The following IGF2R variants were observed in gnomAD, a reference collection of about 807,000 sequenced individuals.
IGF2R encodes insulin like growth factor 2 receptor, also known as cation-independent mannose-6-phosphate receptor.
IGF2R carries 91 observed loss-of-function variants against 270.6 expected under a neutral mutation model. That is an observed-to-expected ratio of 0.34 (90% CI 0.28 to 0.40). The LOEUF is 0.40. Ranked by LOEUF, IGF2R falls within the 10% of genes least tolerant of loss-of-function variation. IGF2R has a pLI of 1.00. For missense variants in IGF2R, 2,805 were observed against 3,188.3 expected (o/e 0.88, Z 2.90); for synonymous variants, 1,316 against 1,258.9 (o/e 1.05, Z -0.96).
chr6:160,080,191 T>A lies in IGF2R; in HGVS notation c.5749T>A (p.Cys1917Ser), dbSNP rs1209179549. The A allele has an allele frequency of 6.2e-7, 1 of 1,613,966 alleles. No individual in the cohort carries two copies. The highest frequency in any genetic ancestry group is 8.5e-7 in the Non-Finnish European group (1 of 1,179,946). The change falls in exon 39 of 48, where the codon TGC becomes AGC. Residue 1917 changes from cysteine to serine, a missense_variant. Cys to Ser is a moderately radical substitution (Grantham distance 112). Transcript: ENST00000356956. ...FIFNGKSYEE[C>S]IIESRAKLWC... The stretch of plus-strand genomic sequence containing the variant: ...ATTCAATGGGAAGAGCTACGAGGAG[T>A]GCATCATAGAGAGCAGGGCGAAGCT...
In IGF2R at chr6:160,050,096, G is replaced by T. The variant is rs991012372; in HGVS notation, c.2515-377G>T. ...GTCTTCATAGTGGTTAGTGTCAGCC[G>T]TTCCACCGGAATTCAGGATCTGAAG... On this transcript the variant is annotated intron_variant, in intron 18 of 47. Coordinates refer to ENST00000356956, the MANE Select transcript of IGF2R (RefSeq NM_000876.4). The surrounding 1 kb of genome is among the most constrained non-coding windows in gnomAD (Gnocchi z 4.0). 6.6e-6 allele frequency among the ~76,000 whole-genome samples: 1 copy of T among 152,170 alleles called. No homozygotes were observed. Among genetic ancestry groups the T allele is most frequent in the Non-Finnish European group, 1.5e-5 (1 of 68,040 alleles).
rs1554234644 is a variant in IGF2R, at chr6:159,980,222, A to AG, written c.149+10828dup. On this transcript the variant is annotated intron_variant, in intron 1 of 47. Coordinates refer to ENST00000356956, the MANE Select transcript of IGF2R (RefSeq NM_000876.4). ...AAGAAAGAAAGAAAGAAAGAAAGAA[A>AG]GAAAGAAAGAAAGAAAGGTACATGG... 6.4e-5 allele frequency among the ~76,000 whole-genome samples: 6 copies of AG among 93,208 alleles called. 1 individual carries two copies. Among genetic ancestry groups the AG allele is most frequent in the African/African-American group, 1.9e-4 (5 of 26,720 alleles). The allele number at this position is 93,208 out of a possible 152,430, so 61.1% of individuals were successfully genotyped here.
intron 3 of IGF2R, among the ~76,000 whole-genome samples, 160 bp downstream of exon 3, chr6:160,009,294 A>G (rs1784296400): frequency 5.3e-5 from 8 of 152,262 alleles, no homozygotes; most frequent in Admixed American, 3.9e-4. Flanking sequence ...AGAACCAATA[A>G]GTAAACAAAT....
intron 11 of IGF2R, among the ~76,000 whole-genome samples, chr6:160,041,837 T>C (rs952267115): frequency 6.6e-6 from 1 of 152,094 alleles, no homozygotes; most frequent in African/African-American, 2.4e-5. Context: ...AGTGAAGACA[T>C]TGGTTTTCTG....
chr6:160,039,165 T>A (rs948443772), intron 10 of IGF2R, among the ~76,000 whole-genome samples: 1 of 152,222 alleles, frequency 6.6e-6, no homozygotes, highest in African/African-American at 2.4e-5. Context: ...ACCTAGATGG[T>A]ATAGCCTGCT....
At chr6:160,017,084 A>G (rs531682857) in intron 4 of IGF2R, among the ~76,000 whole-genome samples, 2 of 152,240 alleles carry the variant, frequency 1.3e-5, no homozygotes, top group African/African-American at 2.4e-5. Flanking sequence ...GCTTAATGAG[A>G]TACATGAGAA....
intron 4 of IGF2R, among the ~76,000 whole-genome samples, chr6:160,024,237 T>C (rs1300624189): frequency 7.0e-6 from 1 of 142,230 alleles, no homozygotes; most frequent in Non-Finnish European, 1.6e-5. Flanking sequence ...CATGAGATGA[T>C]AGCTAGGGGA....
intron 44 of IGF2R, among the ~76,000 whole-genome samples, chr6:160,091,694 G>A (rs1315249567): frequency 2.6e-5 from 4 of 152,236 alleles, no homozygotes; most frequent in Non-Finnish European, 5.9e-5. Context: ...CAGTCATTCA[G>A]AATCAGATGT....
intron 1 of IGF2R, among the ~76,000 whole-genome samples, chr6:159,987,292 A>C (rs1428858403): frequency 6.6e-6 from 1 of 152,250 alleles, no homozygotes; most frequent in African/African-American, 2.4e-5. Context: ...TGCATACCAG[A>C]GTACATAATA....
In IGF2R at chr6:160,105,080, T is replaced by C. The variant is rs1303250513; in HGVS notation, c.7472T>C (p.Ile2491Thr). 6.4e-7 allele frequency: 1 copy of C among 1,572,698 alleles called. No homozygotes were observed. The highest frequency in any genetic ancestry group is 8.6e-7 in the Non-Finnish European group (1 of 1,158,504). The change falls in exon 48 of 48, where the codon ATC becomes ACC. Residue 2491 changes from isoleucine to threonine, a missense_variant. Coordinates refer to ENST00000356956, the MANE Select transcript of IGF2R (RefSeq NM_000876.4). ...GACAGCGACGAGGACCTCTTACACA[T>C]CTGACTCCGCAGTGCCTGCAGGGGA... ...HDDSDEDLLH[I>T]
At chr6:160,051,639 G>A (rs996644393) in intron 19 of IGF2R, among the ~76,000 whole-genome samples, 1 of 152,136 alleles carries the variant, frequency 6.6e-6, no homozygotes, top group Non-Finnish European at 1.5e-5. Flanking sequence ...AGGGCTGTAT[G>A]TGTAATACAA....
At chr6:160,061,352 C>T (rs1778434508) in intron 23 of IGF2R, 151 bp from the exon 24 acceptor site, 2 of 748,980 alleles carry the variant, frequency 2.7e-6, no homozygotes, top group African/African-American at 1.8e-5. Flanking sequence ...GTTTTGTAGG[C>T]AAAGCCTCTC....
intron 11 of IGF2R, 98 bp from the exon 12 acceptor site, chr6:160,043,050 A>C (rs1355295079): frequency 7.4e-7 from 1 of 1,346,846 alleles, no homozygotes; most frequent in Non-Finnish European, 1.0e-6. Context: ...TGGTTTGGGA[A>C]CTTTGAGCCC....
At chr6:160,028,247 TC>T (rs1429648698) in intron 6 of IGF2R, among the ~76,000 whole-genome samples, 8 of 152,226 alleles carry the variant, frequency 5.3e-5, no homozygotes, top group Non-Finnish European at 1.2e-4. Context: ...CACGTGGCCT[TC>T]CCTCTGCGGG....
Position 160,050,658 on chromosome 6 carries a change from G to A in IGF2R, c.2694+6G>A. ...TCTGCTCCAGGGGCAGGCTGGTAAG[G>A]CACTGCTGCTGGCTGGTGACCTTCA... is the stretch of plus-strand genomic sequence containing the variant. On this transcript the variant is annotated splice_donor_region_variant and intron_variant, in intron 19 of 47. Coordinates refer to ENST00000356956, the MANE Select transcript of IGF2R (RefSeq NM_000876.4). This position sits in a 1 kb window ranked among gnomAD's most constrained non-coding sequence, Gnocchi z 4.0. 6.3e-7 allele frequency: 1 copy of A among 1,593,536 alleles called. No individual in the cohort carries two copies. Among genetic ancestry groups the A allele is most frequent in the South Asian group, 1.1e-5 (1 of 89,860 alleles).
chr6:160,079,784 C>G lies in IGF2R; in HGVS notation c.5683C>G (p.Pro1895Ala), dbSNP rs370980819. The G allele has an allele frequency of 2.0e-4, 288 of 1,444,848 alleles. No individual in the cohort carries two copies. Among genetic ancestry groups the G allele is most frequent in the Non-Finnish European group, 2.6e-4 (284 of 1,094,092 alleles). The allele number at this position is 1,444,848 out of a possible 1,614,324, so 89.5% of individuals were successfully genotyped here. A position where few individuals can be genotyped will look rare whatever the true frequency, so the allele number is the denominator to read the frequency against. The change falls in exon 38 of 48, where the codon CCA becomes GCA. Residue 1895 changes from proline to alanine, a missense_variant. Pro to Ala is a conservative substitution (Grantham distance 27, BLOSUM62 -1). Transcript: ENST00000356956. ...TTACGTGAATGGTGATCGTTGCCCT[C>G]CAGGTAAATATTTGCAATGAGGTAA... is the stretch of plus-strand genomic sequence containing the variant. Reference protein sequence around the residue: ...LSYVNGDRCPPETDDGVPCVF... With the variant: ...LSYVNGDRCPAETDDGVPCVF...
chr6:160,074,083 T>C (rs1583293628), intron 35 of IGF2R, 108 bp downstream of exon 35: 1 of 757,950 alleles, frequency 1.3e-6, no homozygotes, highest in Non-Finnish European at 2.2e-6. Context: ...ATAAAAAAAA[T>C]GGAGAAAGTA....
At chr6:160,015,986 G>A (rs541225156) in intron 4 of IGF2R, among the ~76,000 whole-genome samples, 2 of 152,294 alleles carry the variant, frequency 1.3e-5, no homozygotes, top group African/African-American at 4.8e-5. Flanking sequence ...CCCAGAAGCC[G>A]AGCTATGCTT....
intron 22 of IGF2R, 148 bp from the exon 23 acceptor site, chr6:160,060,399 C>T (rs1017835265): frequency 2.7e-6 from 2 of 727,624 alleles, no homozygotes; most frequent in Non-Finnish European, 4.7e-6. Flanking sequence ...TCCCTCGATA[C>T]ACACTTGGTG....
Sources: allele counts gnomAD v4.1 joint callset (sites outside exome capture counted in the v4.1 genomes callset), GRCh38; gene constraint gnomAD v4.1.1; non-coding constraint Gnocchi (gnomAD v3.1); transcripts MANE v1.5; gene names NCBI Gene and HGNC (gene_info 2026-07-23, HGNC 2026-07-21).